TENM4: variants seen among roughly 807,000 people sequenced by gnomAD.
TENM4 encodes the protein teneurin-4.
TENM4 carries 82 observed loss-of-function variants against 243.3 expected under a neutral mutation model. The ratio of observed to expected loss-of-function variants is 0.34; its 90% confidence interval spans 0.28 to 0.40. The LOEUF (loss-of-function observed/expected upper bound fraction) is 0.40. TENM4 is among the 10% of genes least tolerant of loss of function. The pLI is 1.00. For synonymous variants in TENM4, 1,412 were observed against 1,456.3 expected, an observed-to-expected ratio of 0.97 and a Z score of 0.69; for missense variants, 3,138 against 3,673.3, an observed-to-expected ratio of 0.85 and a Z score of 3.77.
At chr11:78,969,599 C>G (rs1176979945) in intron 6 of TENM4, among the ~76,000 whole-genome samples, 1 of 152,172 alleles carries the variant, frequency 6.6e-6, no homozygotes, top group Non-Finnish European at 1.5e-5. Flanking sequence ...CTGAGAAATC[C>G]ATCTAAATGC....
At chr11:79,082,988 C>G (rs999867941) in intron 4 of TENM4, among the ~76,000 whole-genome samples, 1 of 152,214 alleles carries the variant, frequency 6.6e-6, no homozygotes, top group African/African-American at 2.4e-5. Flanking sequence ...GAACTGGAGA[C>G]AGATAAAGGC....
chr11:79,231,100 A>G (rs112539983), intron 2 of TENM4, among the ~76,000 whole-genome samples: 1 of 152,244 alleles, frequency 6.6e-6, no homozygotes, highest in Non-Finnish European at 1.5e-5. Context: ...ATAATTCTGC[A>G]TAACATAAAA....
intron 9 of TENM4, among the ~76,000 whole-genome samples, chr11:78,884,973 G>T (rs1173800367): frequency 6.6e-6 from 1 of 150,844 alleles, no homozygotes. Flanking sequence ...AGAAGGGCAC[G>T]TGGACAGCAT....
At chr11:78,777,847 G>C (rs868443424) in intron 17 of TENM4, among the ~76,000 whole-genome samples, 4 of 152,168 alleles carry the variant, frequency 2.6e-5, no homozygotes, top group Non-Finnish European at 2.9e-5. Context: ...AGTCTTTTCA[G>C]AGCACACATA....
chr11:78,756,770 A>G (rs752607128), intron 19 of TENM4, 35 bp downstream of exon 19: 28 of 1,586,056 alleles, frequency 1.8e-5, no homozygotes, highest in Non-Finnish European at 2.1e-5. Flanking sequence ...TCTCCCTCAG[A>G]GAGCCCTGGC....
At chr11:78,830,663 CTTGGGGAGAGCAGCTTTAA>C (rs1857960296) in intron 12 of TENM4, among the ~76,000 whole-genome samples, 2 of 152,174 alleles carry the variant, frequency 1.3e-5, no homozygotes, top group Admixed American at 1.3e-4. Context: ...TCTCCGAAGG[CTTGGGGAGAGCAGCTTTAA>C]TTAACGATGG....
chr11:78,980,493 T>C (rs1857767363), intron 6 of TENM4, among the ~76,000 whole-genome samples: 1 of 152,210 alleles, frequency 6.6e-6, no homozygotes, highest in Non-Finnish European at 1.5e-5. Flanking sequence ...GCTGTGGAAC[T>C]GCACATGAGG....
chr11:78,861,690 C>G (rs974527780), intron 10 of TENM4, among the ~76,000 whole-genome samples: 1 of 152,176 alleles, frequency 6.6e-6, no homozygotes, highest in African/African-American at 2.4e-5. Flanking sequence ...AGTAGATACT[C>G]TGACCAAGTA....
At chr11:78,684,999 C>T (rs1184937912) in intron 29 of TENM4, among the ~76,000 whole-genome samples, 6 of 151,994 alleles carry the variant, frequency 3.9e-5, no homozygotes, top group Non-Finnish European at 8.8e-5. Flanking sequence ...TGAATATTTT[C>T]TGCTAGAATG....
intron 2 of TENM4, chr11:79,269,437 C>T (rs2135341953): frequency 6.6e-6 from 1 of 152,134 alleles, no homozygotes; most frequent in South Asian, 2.1e-4. Flanking sequence ...ATAAAGCCTT[C>T]CTACAGACTG....
At chr11:79,007,200 C>T (rs1433208647) in intron 6 of TENM4, among the ~76,000 whole-genome samples, 1 of 152,118 alleles carries the variant, frequency 6.6e-6, no homozygotes, top group African/African-American at 2.4e-5. Flanking sequence ...CCGGAGAACC[C>T]TAATACTGTG....
At chr11:79,288,513 A>G (rs1033353589) in intron 2 of TENM4, among the ~76,000 whole-genome samples, 1 of 152,232 alleles carries the variant, frequency 6.6e-6, no homozygotes, top group Non-Finnish European at 1.5e-5. Context: ...AAAGCTCAGT[A>G]AAGAGAATCT....
At chr11:78,840,099 C>A (rs773831006) in intron 12 of TENM4, among the ~76,000 whole-genome samples, 1 of 152,312 alleles carries the variant, frequency 6.6e-6, no homozygotes, top group East Asian at 1.9e-4. Flanking sequence ...CAACAGATTT[C>A]ACTTTCTTCC....
At chr11:79,329,444 G>T (rs1186072954) in intron 1 of TENM4, among the ~76,000 whole-genome samples, 1 of 152,184 alleles carries the variant, frequency 6.6e-6, no homozygotes, top group Non-Finnish European at 1.5e-5. Context: ...TTGTTTTGGT[G>T]GAGAGATGGC....
chr11:79,387,339 A>G (rs941639917), intron 1 of TENM4, among the ~76,000 whole-genome samples: 7 of 152,202 alleles, frequency 4.6e-5, no homozygotes, highest in African/African-American at 1.7e-4. Flanking sequence ...TAATTTTATG[A>G]AAAATCCACT....
At chr11:78,785,236 G>A (rs1352217828) in intron 16 of TENM4, among the ~76,000 whole-genome samples, 2 of 152,056 alleles carry the variant, frequency 1.3e-5, no homozygotes, top group African/African-American at 4.8e-5. Flanking sequence ...CAGGACAAGT[G>A]TAAGGGAGGA....
At chr11:79,051,857 G>A (rs749138973) in intron 6 of TENM4, among the ~76,000 whole-genome samples, 13 of 152,172 alleles carry the variant, frequency 8.5e-5, no homozygotes, top group Non-Finnish European at 1.3e-4. Flanking sequence ...CCACTTATAA[G>A]TGAGAACATG....
At chr11:79,223,027 A>G (rs922977349) in intron 2 of TENM4, among the ~76,000 whole-genome samples, 1 of 152,124 alleles carries the variant, frequency 6.6e-6, no homozygotes, top group Non-Finnish European at 1.5e-5. Flanking sequence ...TAGCTAATGC[A>G]TGTGGGGATT....
At chr11:79,349,386 G>A (rs1857378976) in intron 1 of TENM4, among the ~76,000 whole-genome samples, 2 of 152,218 alleles carry the variant, frequency 1.3e-5, no homozygotes, top group East Asian at 1.9e-4. Context: ...ATGCTAAAGT[G>A]TGCAGCAGAT....
Sources: gnomAD v4.1 joint callset for allele counts (sites outside exome capture counted in the v4.1 genomes callset) on GRCh38, gnomAD v4.1.1 for gene constraint, MANE v1.5 for transcripts, NCBI Gene and HGNC (gene_info 2026-07-23, HGNC 2026-07-21) for gene names.